The following ICE1 variants were observed in gnomAD, a reference collection of about 807,000 sequenced individuals.
ICE1 encodes interactor of little elongation complex ELL subunit 1.
A neutral mutation model predicts 192.7 loss-of-function variants in ICE1; 64 were observed. The observed-to-expected ratio is 0.33, with a 90% CI of 0.27 to 0.41. The LOEUF is 0.41. Ranked by LOEUF, ICE1 falls within the 10% of genes least tolerant of loss-of-function variation. ICE1 has a pLI of 1.00. For missense variants in ICE1, 2,708 were observed against 2,696.0 expected (o/e 1.00, Z -0.10); for synonymous variants, 1,010 against 984.5 (o/e 1.03, Z -0.49).
chr5:5,469,974 AC>A (rs1027857890), intron 15 of ICE1, among the ~76,000 whole-genome samples: 1 of 152,100 alleles, frequency 6.6e-6, no homozygotes, highest in African/African-American at 2.4e-5. Context: ...CCGGAGAGTT[AC>A]CTGCTTCTGG....
intron 12 of ICE1, among the ~76,000 whole-genome samples, chr5:5,458,542 T>C (rs1157932512): frequency 2.0e-5 from 3 of 152,182 alleles, no homozygotes; most frequent in Non-Finnish European, 4.4e-5. Context: ...AGGATTCTTC[T>C]GAAGATTCAA....
intron 15 of ICE1, among the ~76,000 whole-genome samples, chr5:5,469,583 T>C (rs1274868723): frequency 1.3e-5 from 2 of 152,196 alleles, no homozygotes; most frequent in Non-Finnish European, 2.9e-5. Context: ...AAGCCAGTGA[T>C]ATTGATTTTT....
At chr5:5,438,354 C>G (rs1339474292) in intron 3 of ICE1, among the ~76,000 whole-genome samples, 1 of 152,156 alleles carries the variant, frequency 6.6e-6, no homozygotes, top group African/African-American at 2.4e-5. Context: ...ACAGCCAGAC[C>G]ATATCATCAT....
At chr5:5,444,605 A>G (rs552013502) in intron 7 of ICE1, among the ~76,000 whole-genome samples, 1 of 152,370 alleles carries the variant, frequency 6.6e-6, no homozygotes, top group African/African-American at 2.4e-5. Context: ...GCAGTAATTA[A>G]TGAAAGAATT....
chr5:5,473,528 GATTTT>G (rs763940302), intron 15 of ICE1, 25 bp from the exon 16 acceptor site: 18 of 1,582,964 alleles, frequency 1.1e-5, no homozygotes, highest in South Asian at 2.3e-5. Context: ...TGAAACTCCA[GATTTT>G]ATTTTATTTC....
intron 10 of ICE1, 28 bp downstream of exon 10, chr5:5,447,925 T>C: frequency 6.6e-7 from 1 of 1,506,592 alleles, no homozygotes; most frequent in Non-Finnish European, 9.0e-7. Flanking sequence ...TTTGTTTTAA[T>C]GTTGTGTATT....
intron 15 of ICE1, among the ~76,000 whole-genome samples, chr5:5,473,341 C>A (rs1739220302): frequency 6.6e-6 from 1 of 152,158 alleles, no homozygotes; most frequent in African/African-American, 2.4e-5. Context: ...GATCCTGCAT[C>A]CTGCCTATAT....
intron 5 of ICE1, among the ~76,000 whole-genome samples, 166 bp downstream of exon 5, chr5:5,441,389 G>A (rs772309739): frequency 3.9e-5 from 6 of 152,192 alleles, no homozygotes; most frequent in Non-Finnish European, 7.3e-5. Flanking sequence ...CTGCTTAGTA[G>A]CTTAGTCTTT....
In ICE1 at chr5:5,463,391, G is replaced by C; in HGVS notation, c.4057G>C (p.Gly1353Arg). The change falls in exon 13 of 19, where the codon GGC becomes CGC. Residue 1353 changes from glycine to arginine, a missense_variant. By Grantham distance (125) the Gly-to-Arg change is moderately radical (BLOSUM62 -2). Coordinates refer to ENST00000296564, the MANE Select transcript of ICE1 (RefSeq NM_015325.3). ...CAGACCAGAGGCCCGTTCAGATGCA[G>C]GCAGGCAAACCGATGGTGGGGAAGA... Reference protein sequence around the residue: ...QSRPEARSDAGRQTDGGEEDL... With the variant: ...QSRPEARSDARRQTDGGEEDL... 1.9e-6 allele frequency: 3 copies of C among 1,613,828 alleles called. No individual in the cohort carries two copies. Among genetic ancestry groups the C allele is most frequent in the Non-Finnish European group, 2.5e-6 (3 of 1,179,842 alleles).
chr5:5,431,737 T>C (rs1435797628), intron 1 of ICE1, among the ~76,000 whole-genome samples: 9 of 152,190 alleles, frequency 5.9e-5, no homozygotes, highest in Admixed American at 2.6e-4. Flanking sequence ...AATTTTGTGT[T>C]CTTGTTTCAT....
chr5:5,466,515 T>A lies in ICE1; in HGVS notation c.6061+13T>A, dbSNP rs753467995. 1.3e-6 allele frequency: 2 copies of A among 1,592,222 alleles called. No individual in the cohort carries two copies. The highest frequency in any genetic ancestry group is 1.1e-5 in the South Asian group (1 of 87,034). On this transcript the variant is annotated intron_variant, in intron 14 of 18. Transcript: ENST00000296564. ...CTACTTAAAGAAGGTATGCTTAGAT[T>A]GTGACAATTTTGTATTGAAAATATA...
At position 5,422,977 on chromosome 5, in the gene ICE1, AG is replaced by A; in HGVS notation, c.65del (p.Gly22AlafsTer9). 6.9e-7 allele frequency: 1 copy of A among 1,451,406 alleles called. No individual in the cohort carries two copies. Among genetic ancestry groups the A allele is most frequent in the Non-Finnish European group, 9.1e-7 (1 of 1,103,836 alleles). 89.9% of individuals were successfully genotyped at this position (1,451,406 alleles called of 1,614,324 possible). ...PGTAADLSRCQGCASLQQNLN... is the reference protein window; with the variant it reads ...PGTAADLSRCXGCASLQQNLN... ...ACGGCGGCGGACCTGTCGCGATGTC[AG>A]GGCTGCGCCTCTCTGCAGCAGGTGC... On this transcript the variant is annotated frameshift_variant, in exon 1 of 19. Coordinates refer to ENST00000296564, the MANE Select transcript of ICE1 (RefSeq NM_015325.3). LOFTEE classifies it high-confidence loss of function.
chr5:5,480,100 C>T (rs1234925315), intron 17 of ICE1, among the ~76,000 whole-genome samples: 1 of 152,108 alleles, frequency 6.6e-6, no homozygotes, highest in African/African-American at 2.4e-5. Context: ...AAAGAAAGCT[C>T]TCTTAGTTTT....
chr5:5,444,092 A>G (rs1171051787), intron 6 of ICE1, among the ~76,000 whole-genome samples, 197 bp from the exon 7 acceptor site: 1 of 152,216 alleles, frequency 6.6e-6, no homozygotes, highest in African/African-American at 2.4e-5. Context: ...TTTCAAGTGG[A>G]AAGAACAGAA....
intron 10 of ICE1, among the ~76,000 whole-genome samples, chr5:5,453,946 G>C (rs1274880672): frequency 1.3e-5 from 2 of 152,046 alleles, no homozygotes; most frequent in African/African-American, 4.8e-5. Flanking sequence ...GTGCTTCTCT[G>C]TCTGCTCGTG....
At chr5:5,467,541 A>G (rs181852337) in intron 14 of ICE1, among the ~76,000 whole-genome samples, 48 of 151,994 alleles carry the variant, frequency 3.2e-4, no homozygotes, top group Admixed American at 8.5e-4. Flanking sequence ...TGGATCCCTT[A>G]TTTTTCTTTA....
chr5:5,481,283 TATG>T (rs1447532974), intron 17 of ICE1, among the ~76,000 whole-genome samples: 6 of 151,770 alleles, frequency 4.0e-5, no homozygotes, highest in Non-Finnish European at 7.4e-5. Context: ...CACTTTAAAA[TATG>T]GTGATTTTTT....
Position 5,463,698 on chromosome 5 carries a change from G to A in ICE1, c.4364G>A (p.Gly1455Glu). The A allele has an allele frequency of 6.2e-7, 1 of 1,613,878 alleles. No individual in the cohort carries two copies. The highest frequency in any genetic ancestry group is 8.5e-7 in the Non-Finnish European group (1 of 1,179,840). The change falls in exon 13 of 19, where the codon GGA (glycine) becomes GAA (glutamate). Residue 1455 changes from glycine to glutamate, a missense_variant. Around this residue, in one of 2 missense-constraint regions of ICE1, gnomAD observed 2,366 missense variants for 2,276.6 expected, o/e 1.04. Coordinates refer to ENST00000296564, the MANE Select transcript of ICE1 (RefSeq NM_015325.3). ...GACATCCCTATTTCTCAGGATCAAG[G>A]AGAGCTGGAAGCTGGTTGCATCCCA... The part of the protein sequence containing the change: ...PGDIPISQDQ[G>E]ELEAGCIPVT...
rs751967778 is a variant in ICE1 at position 5,462,853 on chromosome 5, A to G, written c.3519A>G (p.Ser1173=). Residue 1173 remains serine, a synonymous_variant, in exon 13 of 19, where the codon TCA becomes TCG. Coordinates refer to ENST00000296564, the MANE Select transcript of ICE1 (RefSeq NM_015325.3). Reference sequence around the variant, plus strand: ...CTGAGCTGGATAGACTTTCCACATCAGAGGTTGTGATGTTTCTTGAGAGCT... The same window carrying G: ...CTGAGCTGGATAGACTTTCCACATCGGAGGTTGTGATGTTTCTTGAGAGCT... ...TFSELDRLST[S]EVVMFLESCQ... 2 of 1,609,250 alleles carry G rather than the reference A, an allele frequency of 1.2e-6. No homozygotes were observed. The highest frequency in any genetic ancestry group is 3.4e-5 in the Admixed American group (2 of 59,150).
Sources: gnomAD v4.1 joint callset for allele counts (sites outside exome capture counted in the v4.1 genomes callset) on GRCh38, gnomAD v4.1.1 for gene constraint, gnomAD v4.1.1 regional missense constraint, MANE v1.5 for transcripts, NCBI Gene and HGNC (gene_info 2026-07-23, HGNC 2026-07-21) for gene names.